The following KCTD1 variants were observed in gnomAD, a reference collection of about 807,000 sequenced individuals.
KCTD1 encodes the protein potassium channel tetramerization domain containing 1, also known as BTB/POZ domain-containing protein KCTD1.
A neutral mutation model predicts 66.0 loss-of-function variants in KCTD1; 24 were observed. The observed-to-expected ratio is 0.36, with a 90% CI of 0.26 to 0.51. The LOEUF (loss-of-function observed/expected upper bound fraction) is 0.51, where lower values mean the gene tolerates loss of function less well. Ranked by LOEUF, KCTD1 falls within the 20% of genes least tolerant of loss-of-function variation. The pLI is 0.95. For missense variants in KCTD1, 943 were observed against 1,205.2 expected (o/e 0.78, Z 3.22); for synonymous variants, 511 against 517.2 (o/e 0.99, Z 0.16).
chr18:26,606,686 C>T (rs750913370), intron 1 of KCTD1, among the ~76,000 whole-genome samples: 14 of 152,312 alleles, frequency 9.2e-5, no homozygotes, highest in East Asian at 3.9e-4. Flanking sequence ...TTCTGACCAT[C>T]GAGCCCTTGG....
intron 1 of KCTD1, among the ~76,000 whole-genome samples, chr18:26,650,142 T>A (rs1403323396): frequency 6.6e-6 from 1 of 152,182 alleles, no homozygotes; most frequent in Non-Finnish European, 1.5e-5. Context: ...CATCAATGCT[T>A]CCCCAGATCA....
At chr18:26,544,817 A>G (rs1326051944) in intron 1 of KCTD1, 1 of 152,154 alleles carries the variant, frequency 6.6e-6, no homozygotes, top group African/African-American at 2.4e-5. Flanking sequence ...CAAACTGAAA[A>G]CTTTTTGTAG....
chr18:26,483,257 T>A lies in KCTD1; in HGVS notation c.1989-6598A>T, dbSNP rs564284313. 2.6e-3 allele frequency among the ~76,000 whole-genome samples: 389 copies of A among 152,148 alleles called. 1 individual carries two copies. The highest frequency in any genetic ancestry group is 7.1e-3 in the African/African-American group (293 of 41,510). On this transcript the variant is annotated intron_variant, in intron 2 of 4. Coordinates refer to ENST00000580059, the MANE Select transcript of KCTD1 (RefSeq NM_001142730.3). ...TTAAAAAATCTGATTTAAAGAGTAT[T>A]TTTCTTTCTTTTCTTTTTTCTTTTT...
upstream of KCTD1, among the ~76,000 whole-genome samples, chr18:26,643,689 G>A (rs550911465): frequency 1.3e-4 from 20 of 152,264 alleles, no homozygotes; most frequent in Admixed American, 1.2e-3. Flanking sequence ...CTGGCCGGGT[G>A]CGGTGGCTCA....
intron 1 of KCTD1, among the ~76,000 whole-genome samples, chr18:26,596,729 T>C (rs1400858498): frequency 1.3e-5 from 2 of 152,248 alleles, no homozygotes; most frequent in African/African-American, 4.8e-5. Flanking sequence ...GAAGACTAAA[T>C]CAATGTGCCG....
intron 1 of KCTD1, among the ~76,000 whole-genome samples, chr18:26,508,827 T>G (rs2144707254): frequency 6.6e-6 from 1 of 152,248 alleles, no homozygotes; most frequent in Non-Finnish European, 1.5e-5. Context: ...GTAATCAAAG[T>G]GTCTTAGGCA....
At chr18:26,525,965 G>A (rs531362105) in intron 1 of KCTD1, among the ~76,000 whole-genome samples, 5 of 152,280 alleles carry the variant, frequency 3.3e-5, no homozygotes, top group South Asian at 4.1e-4. Context: ...AGGGCAGGGC[G>A]CTTGTCATCT....
chr18:26,570,590 T>C (rs760717420), intron 1 of KCTD1, among the ~76,000 whole-genome samples: 1 of 152,070 alleles, frequency 6.6e-6, no homozygotes, highest in Non-Finnish European at 1.5e-5. Context: ...TTTTTTATTT[T>C]TGTAGAGACG....
At chr18:26,637,030 C>G (rs1445342006) in intron 1 of KCTD1, among the ~76,000 whole-genome samples, 1 of 152,248 alleles carries the variant, frequency 6.6e-6, no homozygotes, top group Non-Finnish European at 1.5e-5. Context: ...CCGCTGCGGT[C>G]CCTGCCATGA....
intron 1 of KCTD1, among the ~76,000 whole-genome samples, chr18:26,570,058 T>C (rs951689846): frequency 2.0e-5 from 3 of 151,946 alleles, no homozygotes; most frequent in African/African-American, 7.2e-5. Context: ...TGGTGGCACA[T>C]GCCTGTAATC....
At chr18:26,549,436 C>G, upstream of KCTD1, 1 of 985,676 alleles carries the variant, frequency 1.0e-6, no homozygotes, top group Non-Finnish European at 1.2e-6. Flanking sequence ...GCCGGTCCAG[C>G]CAGCCCCGGG....
intron 1 of KCTD1, among the ~76,000 whole-genome samples, chr18:26,514,035 T>G (rs1328941641): frequency 6.6e-6 from 1 of 152,216 alleles, no homozygotes. Context: ...TGGGAAAGAT[T>G]CTTAGTGTCA....
chr18:26,572,297 AT>A (rs1986128963), intron 1 of KCTD1, among the ~76,000 whole-genome samples: 1 of 152,152 alleles, frequency 6.6e-6, no homozygotes, highest in South Asian at 2.1e-4. Context: ...TGACCTCATG[AT>A]CCACCTGCCT....
chr18:26,512,120 T>G (rs1322489778), intron 1 of KCTD1, among the ~76,000 whole-genome samples: 1 of 152,102 alleles, frequency 6.6e-6, no homozygotes, highest in East Asian at 1.9e-4. Context: ...TTCTTTTTTG[T>G]GGAGATGGAG....
chr18:26,497,719 T>C (rs1982550517), intron 2 of KCTD1, among the ~76,000 whole-genome samples: 1 of 152,228 alleles, frequency 6.6e-6, no homozygotes, highest in Non-Finnish European at 1.5e-5. Flanking sequence ...CTGAGCAGCG[T>C]CATTTGCTTT....
intron 2 of KCTD1, among the ~76,000 whole-genome samples, chr18:26,499,569 ATCTT>A (rs1283593303): frequency 6.6e-6 from 1 of 152,268 alleles, no homozygotes; most frequent in African/African-American, 2.4e-5. Context: ...AAAACATTTC[ATCTT>A]TCTTCTTTCC....
chr18:26,638,665 G>A (rs1368756539), intron 1 of KCTD1, among the ~76,000 whole-genome samples: 1 of 152,224 alleles, frequency 6.6e-6, no homozygotes, highest in East Asian at 1.9e-4. Flanking sequence ...GGCAGCAAAG[G>A]GCAGGTGGCT....
rs76883990 is a variant in KCTD1 at position 26,527,456 on chromosome 18, T to G, written c.1809+19272A>C. On this transcript the variant is annotated intron_variant, in intron 1 of 4. Coordinates refer to ENST00000580059, the MANE Select transcript of KCTD1 (RefSeq NM_001142730.3). Reference sequence around the variant, plus strand: ...CAGGTGAGGCTGAAAAACACATTTTTATGTTTATGTGAAAGAGGGCTACTG... The same window carrying G: ...CAGGTGAGGCTGAAAAACACATTTTGATGTTTATGTGAAAGAGGGCTACTG... 2.8e-5 allele frequency among the ~76,000 whole-genome samples: 4 copies of G among 140,822 alleles called. No homozygotes were observed. In the East Asian group the frequency reaches 9.0e-4, roughly 32 times the overall value. The allele number at this position is 140,822 out of a possible 152,430, so 92.4% of individuals were successfully genotyped here.
At chr18:26,642,286 C>A (rs1987848316), upstream of KCTD1, among the ~76,000 whole-genome samples, 1 of 152,206 alleles carries the variant, frequency 6.6e-6, no homozygotes, top group South Asian at 2.1e-4. Context: ...CGAGTGACCA[C>A]TGCCCTGGAT....
Sources: allele counts gnomAD v4.1 joint callset (sites outside exome capture counted in the v4.1 genomes callset), GRCh38; gene constraint gnomAD v4.1.1; transcripts MANE v1.5; gene names NCBI Gene and HGNC (gene_info 2026-07-23, HGNC 2026-07-21).